STX17: variants seen among roughly 807,000 people sequenced by gnomAD.
STX17 encodes the protein syntaxin-17.
A neutral mutation model predicts 35.9 loss-of-function variants in STX17; 29 were observed. The observed-to-expected ratio is 0.81, with a 90% CI of 0.60 to 1.10. The LOEUF (loss-of-function observed/expected upper bound fraction) is 1.10, where lower values mean the gene tolerates loss of function less well. STX17 is among the 50% of genes least tolerant of loss of function. The pLI is 0.00. For missense variants in STX17, 312 were observed against 352.3 expected, an observed-to-expected ratio of 0.89 and a Z score of 0.92; for synonymous variants, 92 against 118.3, an observed-to-expected ratio of 0.78 and a Z score of 1.44.
chr9:99,914,424 G>T (rs1828725695), intron 1 of STX17, among the ~76,000 whole-genome samples: 1 of 152,120 alleles, frequency 6.6e-6, no homozygotes. Context: ...CTCACCTCTA[G>T]CCCCTACGCT....
rs1468937557 is a variant in STX17, at chr9:99,915,238, G to A, written c.-2G>A. The A allele has an allele frequency of 1.2e-6, 2 of 1,607,350 alleles. No homozygotes were observed. The highest frequency in any genetic ancestry group is 1.7e-6 in the Non-Finnish European group (2 of 1,177,142). ...AGGGAGGTCATACAACATTTTTTTA[G>A]GATGTCTGAAGATGAAGAAAAAGTG... On this transcript the variant is annotated 5_prime_UTR_variant, in exon 2 of 8. It removes the in-frame stop codon of an upstream open reading frame in the 5' UTR. Transcript: ENST00000259400.
chr9:99,951,123 G>C lies in STX17; in HGVS notation c.253G>C (p.Val85Leu). 1.2e-6 allele frequency: 2 copies of C among 1,612,888 alleles called. No individual in the cohort carries two copies. Among genetic ancestry groups the C allele is most frequent in the Non-Finnish European group, 1.7e-6 (2 of 1,179,098 alleles). Reference sequence around the variant, plus strand: ...TTTGAAAGTCCGAAAGGATGACCTAGTACTTCTGAAGAGAATGATAGATCC... The same window carrying C: ...TTTGAAAGTCCGAAAGGATGACCTACTACTTCTGAAGAGAATGATAGATCC... Reference protein sequence around the residue: ...LCLKVRKDDLVLLKRMIDPVK... With the variant: ...LCLKVRKDDLLLLKRMIDPVK... The change falls in exon 4 of 8, where the codon GTA (valine) becomes CTA (leucine). Residue 85 changes from valine (V) to leucine (L), a missense_variant. Physicochemically the swap from Val to Leu is conservative, Grantham distance 32. Coordinates refer to ENST00000259400, the MANE Select transcript of STX17 (RefSeq NM_017919.3).
intron 1 of STX17, among the ~76,000 whole-genome samples, chr9:99,908,078 G>C (rs942352211): frequency 6.6e-6 from 1 of 152,112 alleles, no homozygotes; most frequent in Non-Finnish European, 1.5e-5. Context: ...TTAGATTAAG[G>C]TTATACATTT....
chr9:99,940,532 C>T (rs1467661715), intron 3 of STX17, among the ~76,000 whole-genome samples: 2 of 136,390 alleles, frequency 1.5e-5, no homozygotes, highest in Non-Finnish European at 3.1e-5. Context: ...AGTGCAGTGG[C>T]GTGATCTCAG....
chr9:99,959,121 C>T (rs924496428), intron 4 of STX17, among the ~76,000 whole-genome samples: 36 of 152,288 alleles, frequency 2.4e-4, no homozygotes, highest in African/African-American at 8.4e-4. Flanking sequence ...TATATAGGTA[C>T]GTCTCCTTGG....
intron 3 of STX17, among the ~76,000 whole-genome samples, chr9:99,939,753 T>G (rs1829311722): frequency 6.6e-6 from 1 of 152,188 alleles, no homozygotes; most frequent in Non-Finnish European, 1.5e-5. Flanking sequence ...TTACTATGTT[T>G]CAGATTTCCT....
chr9:99,945,729 A>G (rs760880948), intron 3 of STX17: 39 of 404,758 alleles, frequency 9.6e-5, no homozygotes, highest in South Asian at 7.1e-4. Context: ...TTTAGGAACT[A>G]CATTTGAGCC....
chr9:99,964,363 T>A (rs1829878107), intron 6 of STX17, among the ~76,000 whole-genome samples: 1 of 152,276 alleles, frequency 6.6e-6, no homozygotes, highest in East Asian at 1.9e-4. Context: ...AATTCAATGT[T>A]CTTTAAAATG....
At chr9:99,967,482 T>A in intron 6 of STX17, 171 bp from the exon 7 acceptor site, 1 of 388,594 alleles carries the variant, frequency 2.6e-6, no homozygotes. Flanking sequence ...CTTTTTTTTA[T>A]GAAAGTTAAT....
At chr9:99,911,791 G>C (rs1323017734) in intron 1 of STX17, among the ~76,000 whole-genome samples, 1 of 152,076 alleles carries the variant, frequency 6.6e-6, no homozygotes, top group Non-Finnish European at 1.5e-5. Flanking sequence ...TGCCCAGGCT[G>C]CCCTCAAACT....
chr9:99,951,003 A>C (rs1355797170), intron 3 of STX17, 57 bp from the exon 4 acceptor site: 2 of 1,437,884 alleles, frequency 1.4e-6, no homozygotes, highest in East Asian at 4.7e-5. Flanking sequence ...TTACTTCTGA[A>C]AAGAAAGATA....
At position 99,933,132 on chromosome 9, in the gene STX17, C is replaced by T. The variant is rs565454332; in HGVS notation, c.189+4289C>T. ...GGAATTGGTGGTATGAGGTAGACATCAATAAAATTTTATTTTATTCCATCT... is the reference window on the plus strand; with the variant it reads ...GGAATTGGTGGTATGAGGTAGACATTAATAAAATTTTATTTTATTCCATCT... On this transcript the variant is annotated intron_variant, in intron 3 of 7. Transcript: ENST00000259400. 2.0e-5 allele frequency among the ~76,000 whole-genome samples: 3 copies of T among 152,220 alleles called. No individual in the cohort carries two copies. The East Asian group carries it at 5.8e-4, about 29-fold the overall frequency.
At chr9:99,944,619 A>C (rs1829438917) in intron 3 of STX17, among the ~76,000 whole-genome samples, 1 of 151,434 alleles carries the variant, frequency 6.6e-6, no homozygotes, top group Admixed American at 6.6e-5. Context: ...GGTTCAAAAG[A>C]TTCTCCTGCC....
At position 99,973,079 on chromosome 9, in the gene STX17, A is replaced by G. The variant is rs554095618; in HGVS notation, c.*4406A>G. ...GTGGTTCTCATAATTTACATTCATT[A>G]ATTTGATGCCCTTTTACAAAGAAAC... On this transcript the variant is annotated 3_prime_UTR_variant, in exon 8 of 8. Transcript: ENST00000259400. 3.3e-5 allele frequency among the ~76,000 whole-genome samples: 5 copies of G among 152,300 alleles called. No individual in the cohort carries two copies. The highest frequency in any genetic ancestry group is 1.2e-4 in the African/African-American group (5 of 41,574).
intron 2 of STX17, among the ~76,000 whole-genome samples, chr9:99,927,851 A>C (rs1829021484): frequency 6.6e-6 from 1 of 152,226 alleles, no homozygotes; most frequent in South Asian, 2.1e-4. Flanking sequence ...TATCAAAAGA[A>C]GTTTTTGCTA....
Position 99,943,540 on chromosome 9 carries a change from C to T in STX17, c.190-7520C>T, listed in dbSNP as rs925906589. On this transcript the variant is annotated intron_variant, in intron 3 of 7. Transcript: ENST00000259400. Reference sequence around the variant, plus strand: ...GCCAGGCTGGTCTCGAACTCCTGACCTCAAATGATCTGCCCACCTTGGCCT... The same window carrying T: ...GCCAGGCTGGTCTCGAACTCCTGACTTCAAATGATCTGCCCACCTTGGCCT... Among the ~76,000 whole-genome samples, 10 of 152,272 alleles carry T rather than the reference C, an allele frequency of 6.6e-5. No homozygotes were observed. In the East Asian group the frequency reaches 1.2e-3, roughly 18 times the overall value.
chr9:99,938,902 T>C (rs1054007476), intron 3 of STX17, among the ~76,000 whole-genome samples: 1 of 152,080 alleles, frequency 6.6e-6, no homozygotes, highest in East Asian at 1.9e-4. Flanking sequence ...ATGTAGAACT[T>C]GTTGAGGTCA....
chr9:99,916,144 C>T (rs369779509), intron 2 of STX17: 4 of 446,670 alleles, frequency 9.0e-6, no homozygotes, highest in African/African-American at 2.0e-5. Flanking sequence ...TTGAGAAGTA[C>T]TGCCTAATTC....
chr9:99,924,944 T>C (rs1237832535), intron 2 of STX17, among the ~76,000 whole-genome samples: 1 of 152,198 alleles, frequency 6.6e-6, no homozygotes, highest in Non-Finnish European at 1.5e-5. Context: ...GGAAGTTAAC[T>C]TCTATTTTTT....
Sources: gnomAD v4.1 joint callset for allele counts (sites outside exome capture counted in the v4.1 genomes callset) on GRCh38, gnomAD v4.1.1 for gene constraint, MANE v1.5 for transcripts, NCBI Gene and HGNC (gene_info 2026-07-23, HGNC 2026-07-21) for gene names.